The following KLK12 variants were observed in gnomAD, a reference collection of about 807,000 sequenced individuals.
The protein encoded by KLK12 is kallikrein related peptidase 12.
KLK12 carries 23 observed loss-of-function variants against 20.0 expected under a neutral mutation model. That is an observed-to-expected ratio of 1.15 (90% CI 0.83 to 1.63). The LOEUF (loss-of-function observed/expected upper bound fraction) is 1.63, where lower values mean the gene tolerates loss of function less well. KLK12 is among the 40% of genes most tolerant of loss of function. KLK12 has a pLI of 0.00. For synonymous variants in KLK12, 147 were observed against 141.9 expected, an observed-to-expected ratio of 1.04 and a Z score of -0.25; for missense variants, 351 against 338.6, an observed-to-expected ratio of 1.04 and a Z score of -0.29.
In KLK12 at chr19:51,029,125, T is replaced by C. The variant is rs1011513198; in HGVS notation, c.*177A>G. The C allele has an allele frequency of 6.2e-7, 1 of 1,608,624 alleles. No individual in the cohort carries two copies. Among genetic ancestry groups the C allele is most frequent in the South Asian group, 1.1e-5 (1 of 90,962 alleles). On this transcript the variant is annotated 3_prime_UTR_variant, in exon 6 of 6. Transcript: ENST00000684732. ...TTCATTTATATTTATTCCAGACTAT[T>C]GCACACTTCTCTCACCCCGCTCGTG...
chr19:51,033,852 G>T, intron 3 of KLK12, 128 bp downstream of exon 3: 1 of 994,548 alleles, frequency 1.0e-6, no homozygotes, highest in Non-Finnish European at 1.6e-6. Flanking sequence ...TCCACTCCTG[G>T]TCTAACCTCA....
chr19:51,030,775 T>A lies in KLK12; in HGVS notation c.591+13A>T, dbSNP rs1163703294. 6.2e-6 allele frequency: 10 copies of A among 1,613,176 alleles called. No homozygotes were observed. The highest frequency in any genetic ancestry group is 8.5e-6 in the Non-Finnish European group (10 of 1,179,988). ...TGTCCTGGTGACCACGCACGCTGCCTGCACTGGCTCACCTGGCAGGCATCC... is the reference window on the plus strand; with the variant it reads ...TGTCCTGGTGACCACGCACGCTGCCAGCACTGGCTCACCTGGCAGGCATCC... On this transcript the variant is annotated intron_variant, in intron 5 of 5. Coordinates refer to ENST00000684732, the MANE Select transcript of KLK12 (RefSeq NM_001370125.1).
In KLK12 at chr19:51,034,812, T is replaced by G; in HGVS notation, c.-26A>C. ...TCGCCTACCTCCTTCTCACCTTGTC[T>G]CTTTGTCTGCCAGATCCTCTACGTG... On this transcript the variant is annotated 5_prime_UTR_variant, in exon 1 of 6. Transcript: ENST00000684732. The G allele has an allele frequency of 6.8e-7, 1 of 1,463,996 alleles. No individual in the cohort carries two copies. Among genetic ancestry groups the G allele is most frequent in the Non-Finnish European group, 9.0e-7 (1 of 1,108,316 alleles). 90.7% of individuals were successfully genotyped at this position (1,463,996 alleles called of 1,614,324 possible).
rs1568576485 is a variant in KLK12, at chr19:51,029,507, G to A, written c.592-50C>T. 2.0e-6 allele frequency: 3 copies of A among 1,490,144 alleles called. No individual in the cohort carries two copies. In the East Asian group the frequency reaches 6.8e-5, roughly 34 times the overall value. The allele number at this position is 1,490,144 out of a possible 1,614,324, so 92.3% of individuals were successfully genotyped here. On this transcript the variant is annotated intron_variant, in intron 5 of 5. Transcript: ENST00000684732. The stretch of plus-strand genomic sequence containing the variant: ...TGAACAAGGGAGACATCTTATTTCT[G>A]TTTTCCTCCCCAACCCTTCAACCCA...
At position 51,034,874 on chromosome 19, in the gene KLK12, T is replaced by C; in HGVS notation, c.-88A>G. 7.2e-7 allele frequency: 1 copy of C among 1,382,762 alleles called. No individual in the cohort carries two copies. The highest frequency in any genetic ancestry group is 9.4e-7 in the Non-Finnish European group (1 of 1,065,960). 85.7% of individuals were successfully genotyped at this position (1,382,762 alleles called of 1,614,324 possible). The stretch of plus-strand genomic sequence containing the variant: ...TTGGCCTGTCCTCGTCGCTGCTATC[T>C]CTCCGTCCACCTACCTGCCTGTCTT... On this transcript the variant is annotated 5_prime_UTR_variant, in exon 1 of 6. Transcript: ENST00000684732.
At position 51,034,944 on chromosome 19, in the gene KLK12, C is replaced by T. The variant is rs1453352815; in HGVS notation, c.-158G>A. The T allele has an allele frequency of 4.0e-5, 50 of 1,239,952 alleles. No individual in the cohort carries two copies. Among genetic ancestry groups the T allele is most frequent in the Non-Finnish European group, 5.1e-5 (50 of 981,768 alleles). 76.8% of individuals were successfully genotyped at this position (1,239,952 alleles called of 1,614,324 possible). A position where few individuals can be genotyped will look rare whatever the true frequency, so the allele number is the denominator to read the frequency against. ...GCCAGCCAACTCTACCACTCTGCAC[C>T]TGGCTCCTCAGCCACCTGTCATGTT... On this transcript the variant is annotated 5_prime_UTR_variant, in exon 1 of 6. Transcript: ENST00000684732.
chr19:51,034,409 C>A, intron 2 of KLK12, 176 bp downstream of exon 2: 4 of 1,451,818 alleles, frequency 2.8e-6, no homozygotes, highest in East Asian at 2.5e-5. Flanking sequence ...ATAGGGGAGA[C>A]CGAGGTGAGC....
intron 1 of KLK12, 73 bp from the exon 2 acceptor site, chr19:51,034,713 T>G (rs1242492656): frequency 1.3e-6 from 2 of 1,552,750 alleles, no homozygotes; most frequent in African/African-American, 2.7e-5. Context: ...TGCTTCTCTT[T>G]GAAGGTCACC....
At chr19:51,034,388 G>C in intron 2 of KLK12, 197 bp downstream of exon 2, 1 of 1,401,634 alleles carries the variant, frequency 7.1e-7, no homozygotes, top group Non-Finnish European at 9.4e-7. Flanking sequence ...GAAGGGAAGA[G>C]GGATCAAAAA....
rs1248197281 is a variant in KLK12 at position 51,034,615 on chromosome 19, G to A, written c.7C>T (p.Leu3Phe). Residue 3 changes from leucine to phenylalanine, a missense_variant, in exon 2 of 6, where the codon CTC becomes TTC. By Grantham distance (22) the Leu-to-Phe change is conservative. Coordinates refer to ENST00000684732, the MANE Select transcript of KLK12 (RefSeq NM_001370125.1). ...ACACACAGGAGCAAAAAGATGCTGA[G>A]CCCCATGGTGGGTCACTTCCAAAGT... is the stretch of plus-strand genomic sequence containing the variant. MG[L>F]SIFLLLCVLG... The A allele has an allele frequency of 6.2e-7, 1 of 1,610,014 alleles. No homozygotes were observed. Among genetic ancestry groups the A allele is most frequent in the Non-Finnish European group, 8.5e-7 (1 of 1,178,856 alleles).
intron 3 of KLK12, 103 bp downstream of exon 3, chr19:51,033,877 A>G: frequency 8.7e-7 from 1 of 1,148,698 alleles, no homozygotes; most frequent in Non-Finnish European, 1.3e-6. Context: ...CTCTTGTTGC[A>G]GGATCAGCTT....
Position 51,029,297 on chromosome 19 carries a change from A to G in KLK12, c.*5T>C. ...AGGGGTGGGGGTGGAGGTGGAGGAA[A>G]CAGGTCAGTTGTTCCTCATGATCAT... On this transcript the variant is annotated 3_prime_UTR_variant, in exon 6 of 6. Coordinates refer to ENST00000684732, the MANE Select transcript of KLK12 (RefSeq NM_001370125.1). 6.2e-7 allele frequency: 1 copy of G among 1,614,044 alleles called. No homozygotes were observed. Among genetic ancestry groups the G allele is most frequent in the Non-Finnish European group, 8.5e-7 (1 of 1,180,002 alleles).
At chr19:51,033,774 C>T (rs1016913465) in intron 3 of KLK12, 6 of 627,094 alleles carry the variant, frequency 9.6e-6, no homozygotes, top group Non-Finnish European at 1.7e-5. Context: ...TTCCAGGACC[C>T]TCCCCGGCCC....
Position 51,029,151 on chromosome 19 carries a change from G to A in KLK12, c.*151C>T, listed in dbSNP as rs751774574. On this transcript the variant is annotated 3_prime_UTR_variant, in exon 6 of 6. Transcript: ENST00000684732. ...GCACACTTCTCTCACCCCGCTCGTGGGTCTTAGAAGGGCTGGCAGGAGTTA... is the reference window on the plus strand; with the variant it reads ...GCACACTTCTCTCACCCCGCTCGTGAGTCTTAGAAGGGCTGGCAGGAGTTA... The A allele has an allele frequency of 3.1e-6, 5 of 1,613,932 alleles. No homozygotes were observed. The highest frequency in any genetic ancestry group is 2.2e-5 in the South Asian group (2 of 91,070).
rs1457791523 is a variant in KLK12 at position 51,032,098 on chromosome 19, G to C, written c.235C>G (p.Gln79Glu). Residue 79 changes from glutamine to glutamate, a missense_variant, in exon 4 of 6, where the codon CAG becomes GAG. Physicochemically the swap from Gln to Glu is conservative, Grantham distance 29 (BLOSUM62 2). Coordinates refer to ENST00000684732, the MANE Select transcript of KLK12 (RefSeq NM_001370125.1). Reference sequence around the variant, plus strand: ...CGGATCTGCTCGGTCCAGTCGAGCTGGCTGAGGCTGTGTTCCCCCAGGCGC... The same window carrying C: ...CGGATCTGCTCGGTCCAGTCGAGCTCGCTGAGGCTGTGTTCCCCCAGGCGC... Reference protein sequence around the residue: ...WVRLGEHSLSQLDWTEQIRHS... With the variant: ...WVRLGEHSLSELDWTEQIRHS... The C allele has an allele frequency of 6.2e-7, 1 of 1,604,470 alleles. No homozygotes were observed. Among genetic ancestry groups the C allele is most frequent in the African/African-American group, 1.3e-5 (1 of 74,852 alleles).
chr19:51,030,389 G>T (rs1310951858), intron 5 of KLK12, among the ~76,000 whole-genome samples: 1 of 150,296 alleles, frequency 6.7e-6, no homozygotes, highest in Non-Finnish European at 1.5e-5. Flanking sequence ...TGGCTCTGTC[G>T]CCCAGGCTGG....
At chr19:51,031,361 C>T (rs1997014) in intron 4 of KLK12, among the ~76,000 whole-genome samples, 8,376 of 152,002 alleles carry the variant, frequency 0.055, 701 homozygotes, top group African/African-American at 0.19. Flanking sequence ...CTGCTTCCAA[C>T]GCCAGTGTCC....
At position 51,029,362 on chromosome 19, in the gene KLK12, T is replaced by C. The variant is rs774324585; in HGVS notation, c.687A>G (p.Gly229=). The C allele has an allele frequency of 1.2e-6, 2 of 1,613,370 alleles. No homozygotes were observed. The highest frequency in any genetic ancestry group is 4.5e-5 in the East Asian group (2 of 44,836). ...VGPCGQDGIP[G]VYTYICKYVD... ...CATACTTGCAAATATAGGTGTAGAC[T>C]CCAGGGATGCCATCTTGTCCACAGG... Residue 229 remains glycine, a synonymous_variant, in exon 6 of 6, where the codon GGA becomes GGG. Coordinates refer to ENST00000684732, the MANE Select transcript of KLK12 (RefSeq NM_001370125.1).
At position 51,029,807 on chromosome 19, in the gene KLK12, G is replaced by A. The variant is rs2091535735; in HGVS notation, c.592-350C>T. On this transcript the variant is annotated intron_variant, in intron 5 of 5. Coordinates refer to ENST00000684732, the MANE Select transcript of KLK12 (RefSeq NM_001370125.1). ...ATAAAGAGTCGAGCATTCTCTCAAG[G>A]ACAATGGCTGGGGCCCTGACCAATG... Among the ~76,000 whole-genome samples, 4 of 152,154 alleles carry A rather than the reference G, an allele frequency of 2.6e-5. No individual in the cohort carries two copies. In the South Asian group the frequency reaches 6.2e-4, roughly 24 times the overall value.
Sources: allele counts gnomAD v4.1 joint callset (sites outside exome capture counted in the v4.1 genomes callset), GRCh38; gene constraint gnomAD v4.1.1; transcripts MANE v1.5; gene names NCBI Gene and HGNC (gene_info 2026-07-23, HGNC 2026-07-21).